The following CNOT4 variants were observed in gnomAD, a reference collection of about 807,000 sequenced individuals.
CNOT4 encodes the protein CCR4-NOT transcription complex subunit 4.
In CNOT4, 8 loss-of-function variants were observed where a neutral mutation model predicts 73.8. That is an observed-to-expected ratio of 0.11 (90% confidence interval 0.06 to 0.20). The LOEUF (loss-of-function observed/expected upper bound fraction) is 0.20. Among genes scored for constraint, CNOT4 ranks in the 10% least tolerant of loss-of-function variants. The probability of loss-of-function intolerance (pLI) is 1.00; values close to 1 mark genes in which losing one functional copy is unlikely to be tolerated. For missense variants in CNOT4, 564 were observed against 883.4 expected (o/e 0.64, Z 4.58); for synonymous variants, 293 against 321.1 (o/e 0.91, Z 0.94).
intron 7 of CNOT4, among the ~76,000 whole-genome samples, chr7:135,407,311 G>A (rs1797346855): frequency 2.0e-5 from 3 of 152,136 alleles, no homozygotes; most frequent in Admixed American, 2.0e-4. Context: ...CACAGTAAAA[G>A]CTAACTACTT....
chr7:135,487,897 C>G (rs940352091), intron 1 of CNOT4, among the ~76,000 whole-genome samples: 2 of 151,852 alleles, frequency 1.3e-5, no homozygotes, highest in African/African-American at 4.8e-5. Flanking sequence ...ACTAAAAATA[C>G]AAAAACAAAA....
At chr7:135,394,739 AAATAT>A (rs1796587088) in intron 9 of CNOT4, among the ~76,000 whole-genome samples, 1 of 152,222 alleles carries the variant, frequency 6.6e-6, no homozygotes, top group African/African-American at 2.4e-5. Flanking sequence ...TCCATCAAAT[AAATAT>A]AACAGATTTT....
At chr7:135,454,749 G>C (rs963565375) in intron 1 of CNOT4, among the ~76,000 whole-genome samples, 1 of 151,966 alleles carries the variant, frequency 6.6e-6, no homozygotes, top group African/African-American at 2.4e-5. Flanking sequence ...ATAATGAGCT[G>C]GGTATGGTGG....
intron 10 of CNOT4, chr7:135,389,017 C>A: frequency 1.1e-6 from 1 of 887,684 alleles, no homozygotes; most frequent in Non-Finnish European, 1.7e-6. Flanking sequence ...TGTTTGGAAT[C>A]CAGGTGTGAA....
At chr7:135,436,067 T>A (rs1016647953) in intron 2 of CNOT4, among the ~76,000 whole-genome samples, 4 of 152,152 alleles carry the variant, frequency 2.6e-5, no homozygotes, top group Admixed American at 2.6e-4. Context: ...TGCTTCCTCC[T>A]TGAAATTGAT....
chr7:135,503,502 T>C (rs952871178), intron 1 of CNOT4, among the ~76,000 whole-genome samples: 2 of 151,914 alleles, frequency 1.3e-5, no homozygotes, highest in African/African-American at 2.4e-5. Context: ...AACAATGTAA[T>C]GACTAAGATT....
chr7:135,388,379 T>C (rs557524209), intron 10 of CNOT4: 1 of 984,852 alleles, frequency 1.0e-6, no homozygotes, highest in Non-Finnish European at 1.2e-6. Flanking sequence ...GCAATAGACA[T>C]TATCTTGTTA....
intron 3 of CNOT4, among the ~76,000 whole-genome samples, chr7:135,419,950 G>A (rs1585615819): frequency 3.3e-5 from 5 of 151,904 alleles, no homozygotes; most frequent in African/African-American, 1.2e-4. Flanking sequence ...TTCCTCAGGT[G>A]GTGGAGACAG....
At chr7:135,472,165 C>T (rs1257650901) in intron 1 of CNOT4, among the ~76,000 whole-genome samples, 2 of 145,952 alleles carry the variant, frequency 1.4e-5, no homozygotes, top group Admixed American at 1.4e-4. Flanking sequence ...AGAGTAAGAC[C>T]CTATCTCAAA....
At chr7:135,505,451 C>T (rs1804305175) in intron 1 of CNOT4, among the ~76,000 whole-genome samples, 2 of 152,106 alleles carry the variant, frequency 1.3e-5, no homozygotes, top group African/African-American at 4.8e-5. Context: ...ACTCGGGAGG[C>T]TGAGGCAGGA....
chr7:135,461,226 CTT>C (rs1384121740), intron 1 of CNOT4, among the ~76,000 whole-genome samples: 25 of 152,098 alleles, frequency 1.6e-4, no homozygotes, highest in Admixed American at 1.6e-3. Flanking sequence ...CATATATCCT[CTT>C]TTAATTCTCA....
chr7:135,470,398 T>TG (rs111934084), intron 1 of CNOT4, among the ~76,000 whole-genome samples: 3,397 of 152,216 alleles, frequency 0.022, 127 homozygotes, highest in African/African-American at 0.07. Context: ...CCCAAAGTGC[T>TG]GGATTTACAG....
At chr7:135,373,601 C>T (rs1357420415) in intron 10 of CNOT4, among the ~76,000 whole-genome samples, 1 of 152,004 alleles carries the variant, frequency 6.6e-6, no homozygotes, top group Admixed American at 6.6e-5. Flanking sequence ...TTTTTGAAAC[C>T]AAGTCTTGCT....
chr7:135,395,236 T>C (rs939344775), intron 9 of CNOT4, among the ~76,000 whole-genome samples: 3 of 151,790 alleles, frequency 2.0e-5, no homozygotes, highest in African/African-American at 4.8e-5. Context: ...ATTTAAAAAT[T>C]AACCAGGAGG....
intron 1 of CNOT4, among the ~76,000 whole-genome samples, chr7:135,441,351 A>G (rs1408845918): frequency 6.6e-6 from 1 of 152,088 alleles, no homozygotes; most frequent in Non-Finnish European, 1.5e-5. Context: ...AATTAGAAGA[A>G]AAATACAACG....
intron 10 of CNOT4, chr7:135,388,897 G>C (rs1168098821): frequency 6.2e-7 from 1 of 1,612,330 alleles, no homozygotes; most frequent in Non-Finnish European, 8.5e-7. Flanking sequence ...TTCTTCCCCT[G>C]TGGAAAAGTC....
intron 1 of CNOT4, among the ~76,000 whole-genome samples, chr7:135,441,934 G>A (rs1799504017): frequency 6.6e-6 from 1 of 152,136 alleles, no homozygotes; most frequent in African/African-American, 2.4e-5. Flanking sequence ...CTAGCACCAT[G>A]GAGAGAAGCC....
At chr7:135,415,600 T>A (rs1211207455) in intron 3 of CNOT4, among the ~76,000 whole-genome samples, 1 of 152,090 alleles carries the variant, frequency 6.6e-6, no homozygotes. Flanking sequence ...CTTAACTACA[T>A]TGCCATTAAG....
intron 1 of CNOT4, 145 bp from the exon 2 acceptor site, chr7:135,438,568 T>C: frequency 8.4e-6 from 3 of 357,138 alleles, no homozygotes; most frequent in Non-Finnish European, 1.5e-5. Context: ...AATGGATTTC[T>C]GAAAATTTTG....
Sources: allele counts gnomAD v4.1 joint callset (sites outside exome capture counted in the v4.1 genomes callset), GRCh38; gene constraint gnomAD v4.1.1; transcripts MANE v1.5; gene names NCBI Gene and HGNC (gene_info 2026-07-23, HGNC 2026-07-21).